Variants in CNTNAP5 observed in about 807,000 individuals in gnomAD.
CNTNAP5 encodes the protein contactin-associated protein-like 5.
A neutral mutation model predicts 150.2 loss-of-function variants in CNTNAP5; 72 were observed. That is an observed-to-expected ratio of 0.48 (90% CI 0.40 to 0.58). CNTNAP5 has a LOEUF of 0.58. CNTNAP5 is among the 20% of genes least tolerant of loss of function. The pLI, the probability that CNTNAP5 is intolerant of heterozygous loss-of-function variation, is 0.00. For synonymous variants in CNTNAP5, 672 were observed against 619.8 expected (o/e 1.08, Z -1.25); for missense variants, 1,636 against 1,626.2 (o/e 1.01, Z -0.10).
intron 21 of CNTNAP5, among the ~76,000 whole-genome samples, chr2:124,895,701 G>A (rs1186204852): frequency 6.6e-6 from 1 of 151,512 alleles, no homozygotes; most frequent in Non-Finnish European, 1.5e-5. Context: ...ATCTAGAGTG[G>A]TACATAAAGG....
At chr2:124,631,682 T>G (rs946520825) in intron 12 of CNTNAP5, among the ~76,000 whole-genome samples, 2 of 151,882 alleles carry the variant, frequency 1.3e-5, no homozygotes, top group Non-Finnish European at 2.9e-5. Context: ...TATGATGAAA[T>G]TGCCAAAAGC....
intron 13 of CNTNAP5, among the ~76,000 whole-genome samples, chr2:124,745,391 G>A (rs1007801776): frequency 1.3e-5 from 2 of 152,064 alleles, no homozygotes; most frequent in Non-Finnish European, 2.9e-5. Context: ...TGGGCCCAAG[G>A]ACAACACTGA....
At chr2:124,897,108 A>G (rs1382662188) in intron 21 of CNTNAP5, among the ~76,000 whole-genome samples, 2 of 151,486 alleles carry the variant, frequency 1.3e-5, no homozygotes, top group Non-Finnish European at 2.9e-5. Context: ...CATCTATATC[A>G]TAATTACCTG....
intron 1 of CNTNAP5, among the ~76,000 whole-genome samples, chr2:124,190,344 G>A (rs777176276): frequency 3.2e-4 from 48 of 152,122 alleles, no homozygotes; most frequent in Non-Finnish European, 4.4e-4. Context: ...ATAATGGATC[G>A]TAGCCAATGC....
chr2:124,312,572 TTTGTTTG>T (rs1688857911), intron 3 of CNTNAP5, among the ~76,000 whole-genome samples: 1 of 151,772 alleles, frequency 6.6e-6, no homozygotes, highest in African/African-American at 2.4e-5. Flanking sequence ...TGTTTGTTTG[TTTGTTTG>T]TTTGTTTTTG....
intron 10 of CNTNAP5, among the ~76,000 whole-genome samples, chr2:124,560,329 G>A (rs1695858619): frequency 1.3e-5 from 2 of 152,178 alleles, no homozygotes; most frequent in South Asian, 4.1e-4. Flanking sequence ...CCAACCCGTA[G>A]TAGAGATGGA....
At chr2:124,735,788 A>G (rs1680369496) in intron 13 of CNTNAP5, among the ~76,000 whole-genome samples, 1 of 152,130 alleles carries the variant, frequency 6.6e-6, no homozygotes, top group Non-Finnish European at 1.5e-5. Flanking sequence ...ACCATTTTTT[A>G]TCTGTAAGAT....
chr2:124,491,381 T>C (rs977022851), intron 7 of CNTNAP5, among the ~76,000 whole-genome samples: 2 of 152,086 alleles, frequency 1.3e-5, no homozygotes, highest in African/African-American at 4.8e-5. Context: ...TTTTCCTCTT[T>C]CTTATATATG....
chr2:124,630,158 G>A (rs547111929), intron 12 of CNTNAP5, among the ~76,000 whole-genome samples: 34 of 151,790 alleles, frequency 2.2e-4, no homozygotes, highest in Admixed American at 3.9e-4. Flanking sequence ...AAGAGGAGCC[G>A]GTACCATTTC....
chr2:124,172,126 T>C (rs10166743), intron 1 of CNTNAP5, among the ~76,000 whole-genome samples: 117,735 of 152,168 alleles, frequency 0.77, 46,176 homozygotes, highest in Non-Finnish European at 0.8. Flanking sequence ...CATTTTTCCT[T>C]TTGAAATAGC....
intron 5 of CNTNAP5, among the ~76,000 whole-genome samples, chr2:124,443,878 A>G (rs1009043434): frequency 6.6e-6 from 1 of 151,080 alleles, no homozygotes; most frequent in Non-Finnish European, 1.5e-5. Flanking sequence ...AAATTTTCAA[A>G]TGTTTAATAT....
intron 11 of CNTNAP5, among the ~76,000 whole-genome samples, chr2:124,603,988 A>G (rs1019926638): frequency 3.9e-5 from 6 of 152,188 alleles, no homozygotes; most frequent in Non-Finnish European, 8.8e-5. Flanking sequence ...TTTTTAGGCA[A>G]AGCAAGACAT....
intron 17 of CNTNAP5, among the ~76,000 whole-genome samples, chr2:124,774,639 T>C (rs1212666657): frequency 1.3e-5 from 2 of 152,182 alleles, no homozygotes; most frequent in African/African-American, 4.8e-5. Context: ...AGGTTGCTAG[T>C]CATCAAAATC....
At chr2:124,137,492 A>G (rs537161991) in intron 1 of CNTNAP5, among the ~76,000 whole-genome samples, 2 of 152,316 alleles carry the variant, frequency 1.3e-5, no homozygotes, top group East Asian at 1.9e-4. Context: ...ACCCAGATTT[A>G]ATAGCTTAAA....
intron 1 of CNTNAP5, among the ~76,000 whole-genome samples, chr2:124,092,990 A>G (rs946791408): frequency 5.3e-5 from 8 of 152,236 alleles, no homozygotes; most frequent in African/African-American, 1.9e-4. Flanking sequence ...GTCAGTCACA[A>G]AAGTCAGCGT....
intron 1 of CNTNAP5, among the ~76,000 whole-genome samples, chr2:124,029,217 A>G (rs531696049): frequency 3.0e-4 from 46 of 152,224 alleles, no homozygotes; most frequent in African/African-American, 1.1e-3. Flanking sequence ...TCAGATTCAT[A>G]AAGCTCTTCA....
At chr2:124,250,919 A>C (rs1410915672) in intron 3 of CNTNAP5, among the ~76,000 whole-genome samples, 1 of 152,152 alleles carries the variant, frequency 6.6e-6, no homozygotes, top group Non-Finnish European at 1.5e-5. Context: ...ACTACTCTTA[A>C]GTACGGTTTC....
intron 10 of CNTNAP5, among the ~76,000 whole-genome samples, chr2:124,537,977 C>T (rs1695279440): frequency 6.6e-6 from 1 of 152,140 alleles, no homozygotes; most frequent in African/African-American, 2.4e-5. Flanking sequence ...TCCTTCCCCA[C>T]CAACTGGTAA....
At chr2:124,859,981 C>A (rs1254386380) in intron 19 of CNTNAP5, among the ~76,000 whole-genome samples, 1 of 151,846 alleles carries the variant, frequency 6.6e-6, no homozygotes, top group East Asian at 1.9e-4. Flanking sequence ...ATGAGTGCAG[C>A]ACACCAACAT....
Sources: allele counts gnomAD v4.1 joint callset (sites outside exome capture counted in the v4.1 genomes callset), GRCh38; gene constraint gnomAD v4.1.1; transcripts MANE v1.5; gene names NCBI Gene and HGNC (gene_info 2026-07-23, HGNC 2026-07-21).